CDYL2: variants seen among roughly 807,000 people sequenced by gnomAD.
CDYL2 encodes chromodomain Y like 2, also known as chromodomain Y-like protein 2.
A neutral mutation model predicts 49.4 loss-of-function variants in CDYL2; 23 were observed. The ratio of observed to expected loss-of-function variants is 0.47; its 90% CI spans 0.34 to 0.66. CDYL2 has a LOEUF of 0.66. Among genes scored for constraint, CDYL2 ranks in the 30% least tolerant of loss-of-function variants. The probability of loss-of-function intolerance (pLI) is 0.01; values close to 1 mark genes in which losing one functional copy is unlikely to be tolerated. For synonymous variants in CDYL2, 360 were observed against 268.8 expected (o/e 1.34, Z -3.32); for missense variants, 678 against 656.4 (o/e 1.03, Z -0.36).
At chr16:80,790,584 A>G (rs914810373) in intron 1 of CDYL2, among the ~76,000 whole-genome samples, 1 of 152,258 alleles carries the variant, frequency 6.6e-6, no homozygotes, top group African/African-American at 2.4e-5. Context: ...AATACAGACA[A>G]GCAAATTAGC....
chr16:80,747,833 G>C (rs1905985902), intron 1 of CDYL2, among the ~76,000 whole-genome samples: 1 of 151,950 alleles, frequency 6.6e-6, no homozygotes, highest in Non-Finnish European at 1.5e-5. Context: ...GCTTCCTCTG[G>C]TCCTTCTGAT....
intron 4 of CDYL2, among the ~76,000 whole-genome samples, chr16:80,617,423 GA>G (rs1381191461): frequency 2.0e-5 from 3 of 152,224 alleles, no homozygotes; most frequent in African/African-American, 7.2e-5. Context: ...AATACACCTA[GA>G]AAGTCCACAG....
intron 1 of CDYL2, among the ~76,000 whole-genome samples, chr16:80,687,792 T>A (rs1359875268): frequency 6.6e-6 from 1 of 152,322 alleles, no homozygotes; most frequent in South Asian, 2.1e-4. Flanking sequence ...CTCAGATGAC[T>A]CATAGAGCAA....
chr16:80,651,055 A>G (rs1001334372), intron 2 of CDYL2, among the ~76,000 whole-genome samples: 3 of 152,162 alleles, frequency 2.0e-5, no homozygotes, highest in Admixed American at 2.0e-4. Context: ...ACAGCACAAC[A>G]GGGTGACTCT....
intron 5 of CDYL2, among the ~76,000 whole-genome samples, chr16:80,611,444 G>A (rs1378366242): frequency 6.6e-6 from 1 of 152,160 alleles, no homozygotes; most frequent in Non-Finnish European, 1.5e-5. Flanking sequence ...GAGGCTGCCT[G>A]AGAGTCCACA....
chr16:80,797,764 T>C (rs1420071102), intron 1 of CDYL2, among the ~76,000 whole-genome samples: 1 of 152,192 alleles, frequency 6.6e-6, no homozygotes, highest in Non-Finnish European at 1.5e-5. Flanking sequence ...ACCTTTCAAT[T>C]GCATCCATTC....
At chr16:80,729,831 C>T (rs529967369) in intron 1 of CDYL2, among the ~76,000 whole-genome samples, 1 of 152,274 alleles carries the variant, frequency 6.6e-6, no homozygotes, top group South Asian at 2.1e-4. Context: ...GGAAACTGAA[C>T]AACCTGCTCC....
At chr16:80,737,372 G>C (rs1339881483) in intron 1 of CDYL2, among the ~76,000 whole-genome samples, 1 of 152,178 alleles carries the variant, frequency 6.6e-6, no homozygotes, top group Non-Finnish European at 1.5e-5. Flanking sequence ...CCTTAAAAGG[G>C]AGGAATCATT....
In CDYL2 at chr16:80,630,180, A is replaced by C. The variant is rs115822389; in HGVS notation, c.834+2839T>G. 7.7e-3 allele frequency among the ~76,000 whole-genome samples: 1,167 copies of C among 152,342 alleles called. 19 individuals carry two copies. Among genetic ancestry groups the C allele is most frequent in the African/African-American group, 0.027 (1,110 of 41,568 alleles). ...CTCAATCCCCTTCAGTTGTTGAGAC[A>C]GCTGAAAATACCAGATCAATAACTT... On this transcript the variant is annotated intron_variant, in intron 3 of 6. Transcript: ENST00000570137.
At chr16:80,644,593 C>A (rs1908250220) in intron 2 of CDYL2, among the ~76,000 whole-genome samples, 1 of 152,204 alleles carries the variant, frequency 6.6e-6, no homozygotes, top group East Asian at 1.9e-4. Context: ...AAAGGCACAT[C>A]TCACATGGCA....
At chr16:80,787,686 A>C (rs1191739424) in intron 1 of CDYL2, among the ~76,000 whole-genome samples, 1 of 152,140 alleles carries the variant, frequency 6.6e-6, no homozygotes, top group Admixed American at 6.5e-5. Context: ...CCTCACAGAA[A>C]ACTATCATGG....
At chr16:80,624,387 T>C (rs1255164366) in intron 3 of CDYL2, among the ~76,000 whole-genome samples, 2 of 152,230 alleles carry the variant, frequency 1.3e-5, no homozygotes, top group Middle Eastern at 3.2e-3. Flanking sequence ...TTTGAAGTTC[T>C]GAGTTACCAC....
intron 2 of CDYL2, among the ~76,000 whole-genome samples, chr16:80,653,724 A>G (rs1415205865): frequency 6.6e-6 from 1 of 152,202 alleles, no homozygotes; most frequent in Non-Finnish European, 1.5e-5. Context: ...TTAAGCTATT[A>G]TTTTAAAGAA....
intron 1 of CDYL2, among the ~76,000 whole-genome samples, chr16:80,793,474 G>A (rs1368752693): frequency 6.6e-6 from 1 of 152,202 alleles, no homozygotes; most frequent in African/African-American, 2.4e-5. Context: ...AGGGACTAAT[G>A]CCATACAGGA....
intron 1 of CDYL2, among the ~76,000 whole-genome samples, chr16:80,722,363 CT>C (rs1301337246): frequency 6.6e-6 from 1 of 152,124 alleles, no homozygotes; most frequent in Non-Finnish European, 1.5e-5. Flanking sequence ...AACAGAGCAT[CT>C]TATAATCTGT....
intron 4 of CDYL2, among the ~76,000 whole-genome samples, chr16:80,615,037 G>C (rs899450690): frequency 3.3e-5 from 5 of 152,096 alleles, no homozygotes; most frequent in Non-Finnish European, 5.9e-5. Context: ...GGTATCTTAC[G>C]ATCTATGTAA....
At chr16:80,679,005 C>T (rs950527442) in intron 2 of CDYL2, among the ~76,000 whole-genome samples, 4 of 150,024 alleles carry the variant, frequency 2.7e-5, no homozygotes, top group South Asian at 2.1e-4. Flanking sequence ...AGTAAACTAT[C>T]GCAAGAACAA....
At chr16:80,636,031 A>T (rs1907807238) in intron 2 of CDYL2, among the ~76,000 whole-genome samples, 1 of 152,198 alleles carries the variant, frequency 6.6e-6, no homozygotes, top group Non-Finnish European at 1.5e-5. Context: ...CTGAAATTGG[A>T]CCCCTTTCTT....
intron 1 of CDYL2, among the ~76,000 whole-genome samples, chr16:80,700,944 A>G (rs1169294081): frequency 1.3e-5 from 2 of 151,964 alleles, no homozygotes; most frequent in East Asian, 1.9e-4. Context: ...TGCAGCTAAG[A>G]AACAGTTAAG....
Sources: gnomAD v4.1 joint callset for allele counts (sites outside exome capture counted in the v4.1 genomes callset) on GRCh38, gnomAD v4.1.1 for gene constraint, MANE v1.5 for transcripts, NCBI Gene and HGNC (gene_info 2026-07-23, HGNC 2026-07-21) for gene names.